Variants in ALG11 observed in about 807,000 individuals in gnomAD.
The protein encoded by ALG11 is GDP-Man:Man(3)GlcNAc(2)-PP-Dol alpha-1,2-mannosyltransferase.
In ALG11, 26 loss-of-function variants were observed where a neutral mutation model predicts 38.8. The ratio of observed to expected loss-of-function variants is 0.67; its 90% CI spans 0.49 to 0.93. ALG11 has a LOEUF of 0.93. ALG11 is among the 40% of genes least tolerant of loss of function. The pLI is 0.00. For synonymous variants in ALG11, 199 were observed against 211.6 expected, an observed-to-expected ratio of 0.94 and a Z score of 0.52; for missense variants, 535 against 578.8, an observed-to-expected ratio of 0.92 and a Z score of 0.78.
chr13:52,027,425 T>C (rs1954251817), intron 3 of ALG11, among the ~76,000 whole-genome samples: 2 of 152,270 alleles, frequency 1.3e-5, no homozygotes, highest in Admixed American at 1.3e-4. Flanking sequence ...GAATATGATA[T>C]GAGCTACTGA....
At chr13:52,026,896 G>A (rs573954314) in intron 3 of ALG11, among the ~76,000 whole-genome samples, 2 of 152,282 alleles carry the variant, frequency 1.3e-5, no homozygotes, top group East Asian at 1.9e-4. Context: ...GGTTAAGATC[G>A]CCTGGGGAAT....
At chr13:52,019,339 G>A (rs554286979) in intron 2 of ALG11, among the ~76,000 whole-genome samples, 196 bp downstream of exon 2, 45 of 148,282 alleles carry the variant, frequency 3.0e-4, no homozygotes, top group African/African-American at 1.0e-3. Context: ...CTCCTGCCTC[G>A]GCCTCCCGAG....
intron 3 of ALG11, 47 bp downstream of exon 3, chr13:52,024,984 T>C (rs760615916): frequency 1.3e-6 from 2 of 1,544,618 alleles, no homozygotes; most frequent in South Asian, 2.2e-5. Context: ...GAGATACACA[T>C]TTTAAGTTCT....
At position 52,024,722 on chromosome 13, in the gene ALG11, TTGAG is replaced by T; in HGVS notation, c.994_997del (p.Glu332HisfsTer22). Reference sequence around the variant, plus strand: ...GCTAAATTGCTGAATAAGAAGATGGTTGAGTCACCTCCTTCGCTTAAACTTGTCC... The same window carrying T: ...GCTAAATTGCTGAATAAGAAGATGGTTCACCTCCTTCGCTTAAACTTGTCC... On this transcript the variant is annotated frameshift_variant, in exon 3 of 4. Transcript: ENST00000521508. LOFTEE classifies it high-confidence loss of function. The T allele has an allele frequency of 6.2e-7, 1 of 1,614,230 alleles. No individual in the cohort carries two copies. Among genetic ancestry groups the T allele is most frequent in the Non-Finnish European group, 8.5e-7 (1 of 1,180,032 alleles).
In ALG11 at chr13:52,029,291, GAGC is replaced by G; in HGVS notation, c.*705_*707del. On this transcript the variant is annotated 3_prime_UTR_variant, in exon 4 of 4. Transcript: ENST00000521508. ...GCAGCTGGTTTTTCCCCTGGGGAAG[GAGC>G]AGCCAGCCATTGCTCCCATTGAACA... 2 of 1,614,186 alleles carry G rather than the reference GAGC, an allele frequency of 1.2e-6. No homozygotes were observed. Among genetic ancestry groups the G allele is most frequent in the Non-Finnish European group, 1.7e-6 (2 of 1,180,042 alleles).
At chr13:52,026,087 C>T (rs980303119) in intron 3 of ALG11, among the ~76,000 whole-genome samples, 1 of 152,214 alleles carries the variant, frequency 6.6e-6, no homozygotes, top group South Asian at 2.1e-4. Context: ...AGTGCCGTGC[C>T]GTGCTGTGCC....
In ALG11 at chr13:52,024,602, C is replaced by G; in HGVS notation, c.872C>G (p.Pro291Arg). ...PCDVQTFLDI[P>R]LHEKKMTPGH... ...GATGTGCAGACATTTCTGGACATTC[C>G]CTTACATGAGAAAAAGATGACCCCA... Residue 291 changes from proline to arginine, a missense_variant, in exon 3 of 4, where the codon CCC becomes CGC. Physicochemically the swap from Pro to Arg is moderately radical, Grantham distance 103. Transcript: ENST00000521508. 6.2e-7 allele frequency: 1 copy of G among 1,613,874 alleles called. No individual in the cohort carries two copies. Among genetic ancestry groups the G allele is most frequent in the Non-Finnish European group, 8.5e-7 (1 of 1,179,858 alleles).
At position 52,028,490 on chromosome 13, in the gene ALG11, G is replaced by C. The variant is rs1243429016; in HGVS notation, c.1379G>C (p.Arg460Thr). The change falls in exon 4 of 4, where the codon AGA (arginine) becomes ACA (threonine). Residue 460 changes from arginine to threonine, a missense_variant. Transcript: ENST00000521508. Reference sequence around the variant, plus strand: ...ATTCTTTCCATGTCTGCAGAAAAGAGACTCCAAATCAGAAAAAGTGCTCGT... The same window carrying C: ...ATTCTTTCCATGTCTGCAGAAAAGACACTCCAAATCAGAAAAAGTGCTCGT... Reference protein sequence around the residue: ...AHILSMSAEKRLQIRKSARAS... With the variant: ...AHILSMSAEKTLQIRKSARAS... 1.2e-6 allele frequency: 2 copies of C among 1,614,048 alleles called. No homozygotes were observed. Among genetic ancestry groups the C allele is most frequent in the African/African-American group, 2.7e-5 (2 of 74,920 alleles).
chr13:52,018,278 G>C (rs1954151843), intron 1 of ALG11, among the ~76,000 whole-genome samples: 1 of 152,182 alleles, frequency 6.6e-6, no homozygotes, highest in Admixed American at 6.5e-5. Context: ...TTGTGAATGA[G>C]TTTACTAATG....
intron 2 of ALG11, chr13:52,022,223 C>G (rs1160370888): frequency 6.6e-6 from 1 of 152,172 alleles, no homozygotes; most frequent in East Asian, 1.9e-4. Context: ...CAAAAATTAG[C>G]TGGGCATGGT....
In ALG11 at chr13:52,029,446, G is replaced by A. The variant is rs769956185; in HGVS notation, c.*856G>A. Reference sequence around the variant, plus strand: ...TGGAAAAGGCCTCTCTCCAAGCCATGAGCCTGGAAGAGGCAAAGATGCACC... The same window carrying A: ...TGGAAAAGGCCTCTCTCCAAGCCATAAGCCTGGAAGAGGCAAAGATGCACC... On this transcript the variant is annotated 3_prime_UTR_variant, in exon 4 of 4. Transcript: ENST00000521508. 9.9e-6 allele frequency: 16 copies of A among 1,614,112 alleles called. No individual in the cohort carries two copies. Among genetic ancestry groups the A allele is most frequent in the Non-Finnish European group, 1.3e-5 (15 of 1,180,060 alleles).
intron 2 of ALG11, 22 bp downstream of exon 2, chr13:52,019,165 C>A: frequency 6.5e-7 from 1 of 1,541,022 alleles, no homozygotes; most frequent in Non-Finnish European, 9.0e-7. Flanking sequence ...TCTTTCTTAG[C>A]TAATTTGCTA....
At chr13:52,018,394 T>C (rs1057412814) in intron 1 of ALG11, among the ~76,000 whole-genome samples, 30 of 152,314 alleles carry the variant, frequency 2.0e-4, no homozygotes, top group African/African-American at 7.2e-4. Context: ...GAACTGGAAA[T>C]AGAAGTGGAG....
Position 52,029,904 on chromosome 13 carries a change from T to C in ALG11, c.*1314T>C. On this transcript the variant is annotated 3_prime_UTR_variant, in exon 4 of 4. Transcript: ENST00000521508. ...GTAGCGAATGAAGTGCAGATGAATGTGGACGGACCGAATCCCTGGATGTTC... is the reference window on the plus strand; with the variant it reads ...GTAGCGAATGAAGTGCAGATGAATGCGGACGGACCGAATCCCTGGATGTTC... The C allele has an allele frequency of 4.3e-6, 7 of 1,614,198 alleles. No homozygotes were observed. The highest frequency in any genetic ancestry group is 5.9e-6 in the Non-Finnish European group (7 of 1,180,040).
intron 2 of ALG11, among the ~76,000 whole-genome samples, chr13:52,020,155 A>C (rs1462463418): frequency 6.6e-6 from 1 of 152,114 alleles, no homozygotes; most frequent in African/African-American, 2.4e-5. Context: ...ATTTGACTCA[A>C]ATTTTTATAT....
intron 2 of ALG11, chr13:52,020,913 A>G (rs1395821105): frequency 1.3e-5 from 2 of 152,162 alleles, no homozygotes; most frequent in Admixed American, 6.5e-5. Flanking sequence ...TCCTAACTCA[A>G]CACATACTAC....
rs751684264 is a variant in ALG11 at position 52,028,768 on chromosome 13, C to A, written c.*178C>A. ...AAAATGGATGACTAGCCTTCGGCTTCCATTCTTGGTATACATGAGAGAGGC... is the reference window on the plus strand; with the variant it reads ...AAAATGGATGACTAGCCTTCGGCTTACATTCTTGGTATACATGAGAGAGGC... On this transcript the variant is annotated 3_prime_UTR_variant, in exon 4 of 4. Coordinates refer to ENST00000521508, the MANE Select transcript of ALG11 (RefSeq NM_001004127.3). 6.2e-7 allele frequency: 1 copy of A among 1,614,072 alleles called. No homozygotes were observed. The highest frequency in any genetic ancestry group is 1.1e-5 in the South Asian group (1 of 91,058).
In ALG11 at chr13:52,033,082, T is replaced by C. The variant is rs755744048; in HGVS notation, c.*4492T>C. ...AAATTATTTTCATATATCACAGATA[T>C]ATCATTGGAAGATATAATTTGCATA... On this transcript the variant is annotated 3_prime_UTR_variant, in exon 4 of 4. Coordinates refer to ENST00000521508, the MANE Select transcript of ALG11 (RefSeq NM_001004127.3). The C allele has an allele frequency of 2.0e-4, 34 of 167,260 alleles. No homozygotes were observed. Among genetic ancestry groups the C allele is most frequent in the African/African-American group, 4.8e-4 (20 of 41,596 alleles). The allele number at this position is 167,260 out of a possible 1,614,324, so 10.4% of individuals were successfully genotyped here.
At chr13:52,013,555 G>A (rs1307552319) in intron 1 of ALG11, among the ~76,000 whole-genome samples, 1 of 152,196 alleles carries the variant, frequency 6.6e-6, no homozygotes, top group African/African-American at 2.4e-5. Context: ...ATGTTTAATA[G>A]TTCAGTTTGA....
Sources: allele counts gnomAD v4.1 joint callset (sites outside exome capture counted in the v4.1 genomes callset), GRCh38; gene constraint gnomAD v4.1.1; transcripts MANE v1.5; gene names NCBI Gene and HGNC (gene_info 2026-07-23, HGNC 2026-07-21).